The following FER variants were observed in gnomAD, a reference collection of about 807,000 sequenced individuals.
The protein encoded by FER is tyrosine-protein kinase Fer.
In FER, 63 loss-of-function variants were observed where a neutral mutation model predicts 111.0. The ratio of observed to expected loss-of-function variants is 0.57; its 90% CI spans 0.46 to 0.70. FER has a LOEUF of 0.70. FER is among the 30% of genes least tolerant of loss of function. FER has a pLI of 0.00. For synonymous variants in FER, 327 were observed against 313.9 expected (o/e 1.04, Z -0.44); for missense variants, 914 against 954.0 (o/e 0.96, Z 0.55).
intron 16 of FER, chr5:109,052,048 T>C: frequency 6.2e-7 from 1 of 1,601,456 alleles, no homozygotes; most frequent in South Asian, 1.1e-5. Context: ...TTCAATACCA[T>C]ACTTGAACTT....
At chr5:109,007,477 C>A (rs1358309720) in intron 13 of FER, among the ~76,000 whole-genome samples, 1 of 152,206 alleles carries the variant, frequency 6.6e-6, no homozygotes, top group East Asian at 1.9e-4. Context: ...GTCAACCCAG[C>A]TACTTACCCT....
intron 15 of FER, among the ~76,000 whole-genome samples, chr5:109,045,202 G>C (rs72790582): frequency 0.04 from 6,133 of 151,662 alleles, 157 homozygotes; most frequent in Middle Eastern, 0.14. Context: ...TTTCTCAGCT[G>C]TTAGGTTTCA....
At chr5:108,890,545 A>G (rs574667538) in intron 9 of FER, among the ~76,000 whole-genome samples, 287 of 152,104 alleles carry the variant, frequency 1.9e-3, no homozygotes, top group Non-Finnish European at 3.5e-3. Context: ...CTCTGTCTCC[A>G]TATGACCCTC....
At chr5:109,038,953 A>G (rs73779112) in intron 14 of FER, among the ~76,000 whole-genome samples, 28,320 of 151,986 alleles carry the variant, frequency 0.19, 2,804 homozygotes, top group Non-Finnish European at 0.22. Context: ...TTTTTTCTCA[A>G]CGACAAGTAA....
At chr5:109,179,808 A>G (rs944550429) in intron 17 of FER, among the ~76,000 whole-genome samples, 2 of 152,206 alleles carry the variant, frequency 1.3e-5, no homozygotes, top group Non-Finnish European at 2.9e-5. Context: ...GGATTTGAGC[A>G]TCTTTGGATT....
chr5:108,753,459 G>T (rs184918209), intron 1 of FER, among the ~76,000 whole-genome samples: 216 of 152,072 alleles, frequency 1.4e-3, no homozygotes, highest in African/African-American at 4.8e-3. Context: ...TCTCCAGTTT[G>T]TCTGGATTCC....
chr5:109,136,556 T>A (rs1415454215), intron 17 of FER, among the ~76,000 whole-genome samples: 1 of 152,172 alleles, frequency 6.6e-6, no homozygotes, highest in Non-Finnish European at 1.5e-5. Flanking sequence ...TGATAGGAAC[T>A]ACATTTTTTT....
At chr5:109,003,528 T>A (rs542052746) in intron 13 of FER, among the ~76,000 whole-genome samples, 227 of 152,078 alleles carry the variant, frequency 1.5e-3, no homozygotes, top group African/African-American at 5.2e-3. Context: ...ATGACGAGTT[T>A]ATGAGTGCAG....
At chr5:108,824,782 T>C (rs906694322) in intron 3 of FER, among the ~76,000 whole-genome samples, 1 of 152,220 alleles carries the variant, frequency 6.6e-6, no homozygotes, top group African/African-American at 2.4e-5. Flanking sequence ...CACAGGTTTC[T>C]ACATACGAGA....
At chr5:108,779,245 C>T (rs1245720227) in intron 2 of FER, among the ~76,000 whole-genome samples, 4 of 152,070 alleles carry the variant, frequency 2.6e-5, no homozygotes, top group Admixed American at 2.6e-4. Flanking sequence ...CAGTATCAGT[C>T]TTCCAACTTT....
chr5:108,981,618 TAATAAAC>T (rs1418088143), intron 13 of FER, among the ~76,000 whole-genome samples: 1 of 152,108 alleles, frequency 6.6e-6, no homozygotes, highest in Non-Finnish European at 1.5e-5. Flanking sequence ...AGCATTTATT[TAATAAAC>T]ATTTATATGT....
At chr5:108,990,372 G>A (rs1279118941) in intron 13 of FER, among the ~76,000 whole-genome samples, 1 of 151,690 alleles carries the variant, frequency 6.6e-6, no homozygotes, top group Non-Finnish European at 1.5e-5. Flanking sequence ...TAAAAATATT[G>A]TATATTACAT....
intron 17 of FER, among the ~76,000 whole-genome samples, chr5:109,101,332 T>C (rs1197058242): frequency 1.3e-5 from 2 of 152,002 alleles, no homozygotes; most frequent in African/African-American, 4.8e-5. Flanking sequence ...GAGTGAGCTG[T>C]TGTACACTTT....
chr5:108,813,597 G>A (rs1580684869), intron 3 of FER, among the ~76,000 whole-genome samples: 1 of 152,012 alleles, frequency 6.6e-6, no homozygotes, highest in East Asian at 1.9e-4. Flanking sequence ...ATTGTGGTTA[G>A]TTTTTATTGT....
chr5:109,008,143 C>T (rs915463789), intron 13 of FER, among the ~76,000 whole-genome samples: 28 of 152,168 alleles, frequency 1.8e-4, no homozygotes, highest in African/African-American at 3.4e-4. Flanking sequence ...CTTGTACTCA[C>T]GGAGGAAATA....
chr5:108,921,953 C>G (rs1753077388), intron 10 of FER, among the ~76,000 whole-genome samples: 1 of 152,118 alleles, frequency 6.6e-6, no homozygotes, highest in Non-Finnish European at 1.5e-5. Flanking sequence ...GAAATAGGGT[C>G]TGTAGTTGTA....
At chr5:109,131,043 C>G (rs1182877486) in intron 17 of FER, among the ~76,000 whole-genome samples, 1 of 152,104 alleles carries the variant, frequency 6.6e-6, no homozygotes, top group Non-Finnish European at 1.5e-5. Context: ...CTTTATATCT[C>G]TGACATAGAA....
intron 10 of FER, among the ~76,000 whole-genome samples, chr5:108,898,495 CCTCTTT>C: frequency 6.9e-6 from 1 of 144,394 alleles, no homozygotes; most frequent in East Asian, 2.0e-4. Flanking sequence ...TCCTTTCCTT[CCTCTTT>C]CTCTCTCCTT....
chr5:108,863,267 G>A (rs1313660750), intron 5 of FER, among the ~76,000 whole-genome samples: 2 of 152,072 alleles, frequency 1.3e-5, no homozygotes, highest in East Asian at 3.9e-4. Context: ...CCACAGGCAT[G>A]CACCACCACA....
Sources: gnomAD v4.1 joint callset for allele counts (sites outside exome capture counted in the v4.1 genomes callset) on GRCh38, gnomAD v4.1.1 for gene constraint, MANE v1.5 for transcripts, NCBI Gene and HGNC (gene_info 2026-07-23, HGNC 2026-07-21) for gene names.